AHCY: variants seen among roughly 807,000 people sequenced by gnomAD.
AHCY encodes S-adenosyl-L-homocysteine hydrolase.
Under a neutral mutation model 45.4 loss-of-function variants are expected in AHCY, and 24 were observed. That is an observed-to-expected ratio of 0.53 (90% CI 0.38 to 0.74). The LOEUF (loss-of-function observed/expected upper bound fraction) is 0.74, where lower values mean the gene tolerates loss of function less well. Among genes scored for constraint, AHCY ranks in the 30% least tolerant of loss-of-function variants. The probability of loss-of-function intolerance (pLI) is 0.00; values close to 1 mark genes in which losing one functional copy is unlikely to be tolerated. For synonymous variants in AHCY, 245 were observed against 235.1 expected (o/e 1.04, Z -0.39); for missense variants, 449 against 594.1 (o/e 0.76, Z 2.54).
At chr20:34,282,523 A>G (rs900512559) in intron 9 of AHCY, among the ~76,000 whole-genome samples, 6 of 152,208 alleles carry the variant, frequency 3.9e-5, no homozygotes, top group South Asian at 2.1e-4. Context: ...ATGCAGCAAG[A>G]TAACTGATAC....
At chr20:34,256,825 G>A in the AHCY span, among the ~76,000 whole-genome samples, 2 of 152,036 alleles carry the variant, frequency 1.3e-5, no homozygotes, top group Non-Finnish European at 2.9e-5. Flanking sequence ...GCCCAGGCTG[G>A]GTAACAGTGC....
Position 34,280,750 on chromosome 20 carries a change from G to T in AHCY, c.*284C>A. The T allele has an allele frequency of 2.1e-6, 1 of 481,028 alleles. No individual in the cohort carries two copies. Among genetic ancestry groups the T allele is most frequent in the Non-Finnish European group, 3.8e-6 (1 of 261,372 alleles). The allele number at this position is 481,028 out of a possible 1,614,324, so 29.8% of individuals were successfully genotyped here. A position where few individuals can be genotyped will look rare whatever the true frequency, so the allele number is the denominator to read the frequency against. ...ACTCCACTACTGACTTCCAGGCTAA[G>T]GAAGGACTGACTTAGTGAGCTGTTC... On this transcript the variant is annotated 3_prime_UTR_variant, in exon 10 of 10. Coordinates refer to ENST00000217426, the MANE Select transcript of AHCY (RefSeq NM_000687.4).
At chr20:34,234,329 A>T in the AHCY span, among the ~76,000 whole-genome samples, 1 of 152,196 alleles carries the variant, frequency 6.6e-6, no homozygotes, top group Non-Finnish European at 1.5e-5. Context: ...AATCAGTAAA[A>T]ATATAGCATA....
intron 4 of AHCY, among the ~76,000 whole-genome samples, chr20:34,291,787 C>T (rs776317829): frequency 6.6e-6 from 1 of 152,212 alleles, no homozygotes; most frequent in Non-Finnish European, 1.5e-5. Context: ...CTGCTCTAGT[C>T]CGTGACCCTG....
the AHCY span, among the ~76,000 whole-genome samples, chr20:34,241,869 G>C: frequency 6.6e-6 from 1 of 152,202 alleles, no homozygotes. Flanking sequence ...AACTCTTACA[G>C]AGCAGAATTT....
chr20:34,271,345 T>A, the AHCY span, among the ~76,000 whole-genome samples: 1 of 152,206 alleles, frequency 6.6e-6, no homozygotes, highest in East Asian at 1.9e-4. Context: ...GAAACTCACA[T>A]TTGTGACTCA....
chr20:34,287,486 G>A (rs1323365718), intron 8 of AHCY, among the ~76,000 whole-genome samples: 1 of 149,916 alleles, frequency 6.7e-6, no homozygotes, highest in Non-Finnish European at 1.5e-5. Context: ...CACCTCCTGG[G>A]TTCAAGCGAT....
chr20:34,275,094 G>A, the AHCY span, among the ~76,000 whole-genome samples: 3 of 151,116 alleles, frequency 2.0e-5, no homozygotes, highest in South Asian at 4.2e-4. Flanking sequence ...CCTTCATGGT[G>A]CAGCTGGGAG....
Position 34,290,620 on chromosome 20 carries a change from A to G in AHCY, c.785T>C (p.Met262Thr). ...AAMEGYEVTT[M>T]DEACQEGNIF... is the part of the protein sequence containing the mutation. ...GTTGCCCTCCTGACAGGCCTCATCC[A>G]TGGTGGTCACCTCATAGCCTGTGCA... is the stretch of plus-strand genomic sequence containing the variant. The change falls in exon 7 of 10, where the codon ATG becomes ACG. Residue 262 changes from methionine to threonine, a missense_variant. Physicochemically the swap from Met to Thr is moderately conservative, Grantham distance 81. Coordinates refer to ENST00000217426, the MANE Select transcript of AHCY (RefSeq NM_000687.4). This position sits in a 1 kb window ranked among gnomAD's most constrained non-coding sequence, Gnocchi z 4.5. The G allele has an allele frequency of 6.2e-7, 1 of 1,614,112 alleles. No homozygotes were observed. The highest frequency in any genetic ancestry group is 8.5e-7 in the Non-Finnish European group (1 of 1,180,030).
chr20:34,233,143 C>CT, the AHCY span, among the ~76,000 whole-genome samples: 6,624 of 100,308 alleles, frequency 0.066, 448 homozygotes, highest in East Asian at 0.13. Context: ...GGGACAAGAG[C>CT]TTTTTTTTTT....
At chr20:34,287,583 G>A (rs890786379) in intron 8 of AHCY, among the ~76,000 whole-genome samples, 3 of 151,718 alleles carry the variant, frequency 2.0e-5, no homozygotes, top group African/African-American at 7.3e-5. Context: ...GTAGAGACAG[G>A]GTTTGACCAT....
Position 34,281,112 on chromosome 20 carries a change from G to A in AHCY, c.1221C>T (p.Thr407=), listed in dbSNP as rs1170545862. Residue 407 remains threonine, a synonymous_variant, in exon 10 of 10, where the codon ACC becomes ACT. Coordinates refer to ENST00000217426, the MANE Select transcript of AHCY (RefSeq NM_000687.4). ...ACTGGGCTTGCTTCTCAGTTAGCTT[G>A]GTCAACTTCACATTCAGCTTGCCCA... is the stretch of plus-strand genomic sequence containing the variant. ...AHLGKLNVKL[T]KLTEKQAQYL... is the part of the protein sequence containing the mutation. 3 of 1,614,078 alleles carry A rather than the reference G, an allele frequency of 1.9e-6. No homozygotes were observed. Among genetic ancestry groups the A allele is most frequent in the Non-Finnish European group, 8.5e-7 (1 of 1,180,032 alleles).
intron 1 of AHCY, chr20:34,303,025 G>A (rs1011385184): frequency 1.5e-5 from 15 of 985,472 alleles, no homozygotes; most frequent in Non-Finnish European, 1.8e-5. Context: ...CGGCGTCGCG[G>A]GGCATGCTGG....
the AHCY span, among the ~76,000 whole-genome samples, chr20:34,245,449 C>T: frequency 1.3e-5 from 2 of 150,880 alleles, no homozygotes; most frequent in South Asian, 2.1e-4. Flanking sequence ...AGTGCAATGG[C>T]AGATCTCGGC....
At chr20:34,235,080 T>C in the AHCY span, 2 of 152,346 alleles carry the variant, frequency 1.3e-5, no homozygotes, top group African/African-American at 2.4e-5. Flanking sequence ...TGCTCACCAG[T>C]CAGGCATATC....
At chr20:34,236,619 G>A in the AHCY span, among the ~76,000 whole-genome samples, 12 of 152,210 alleles carry the variant, frequency 7.9e-5, no homozygotes, top group Non-Finnish European at 1.3e-4. Context: ...GGGAGTCTGG[G>A]GTGGGAGAAT....
chr20:34,249,561 G>C, the AHCY span, among the ~76,000 whole-genome samples: 1 of 152,134 alleles, frequency 6.6e-6, no homozygotes, highest in South Asian at 2.1e-4. Flanking sequence ...AGCTGCACCA[G>C]GCCTCGTGCT....
chr20:34,245,381 A>G, the AHCY span, among the ~76,000 whole-genome samples: 11 of 151,018 alleles, frequency 7.3e-5, no homozygotes, highest in Non-Finnish European at 1.3e-4. Context: ...GTCAGTACCA[A>G]ATGACCAAAT....
chr20:34,288,896 C>T (rs1395091926), intron 8 of AHCY, among the ~76,000 whole-genome samples: 1 of 152,214 alleles, frequency 6.6e-6, no homozygotes, highest in East Asian at 1.9e-4. Context: ...AAGAACTCAT[C>T]TTCCAGTTTC....
Sources: allele counts gnomAD v4.1 joint callset (sites outside exome capture counted in the v4.1 genomes callset), GRCh38; gene constraint gnomAD v4.1.1; non-coding constraint Gnocchi (gnomAD v3.1); transcripts MANE v1.5; gene names NCBI Gene and HGNC (gene_info 2026-07-23, HGNC 2026-07-21).